DENND5B: variants seen among roughly 807,000 people sequenced by gnomAD.
DENND5B encodes DENN domain containing 5B.
In DENND5B, 34 loss-of-function variants were observed where a neutral mutation model predicts 140.6. The observed-to-expected ratio is 0.24, with a 90% CI of 0.18 to 0.32. The LOEUF (loss-of-function observed/expected upper bound fraction) is 0.32, where lower values mean the gene tolerates loss of function less well. Among genes scored for constraint, DENND5B ranks in the 10% least tolerant of loss-of-function variants. DENND5B has a pLI of 1.00. For synonymous variants in DENND5B, 551 were observed against 562.1 expected (o/e 0.98, Z 0.28); for missense variants, 1,142 against 1,560.2 (o/e 0.73, Z 4.52).
At chr12:31,402,044 C>T (rs1941820827) in intron 15 of DENND5B, among the ~76,000 whole-genome samples, 2 of 143,054 alleles carry the variant, frequency 1.4e-5, no homozygotes, top group South Asian at 4.4e-4. Flanking sequence ...ACTGCACAGC[C>T]TGGGCGAAAG....
rs1342174241 is a variant in DENND5B at position 31,384,187 on chromosome 12, G to C, written c.*3416C>G. On this transcript the variant is annotated 3_prime_UTR_variant, in exon 21 of 21. Transcript: ENST00000389082. Reference sequence around the variant, plus strand: ...CACTTATGAGCCACATAAAAACTAAGTCCTTTGTTTTGTTTTTTTGAGATG... The same window carrying C: ...CACTTATGAGCCACATAAAAACTAACTCCTTTGTTTTGTTTTTTTGAGATG... 6.6e-6 allele frequency: 1 copy of C among 152,036 alleles called. No individual in the cohort carries two copies. Among genetic ancestry groups the C allele is most frequent in the Non-Finnish European group, 1.5e-5 (1 of 68,022 alleles). 9.4% of individuals were successfully genotyped at this position (152,036 alleles called of 1,614,324 possible).
chr12:31,487,592 C>T (rs1946360076), intron 2 of DENND5B, among the ~76,000 whole-genome samples: 1 of 152,064 alleles, frequency 6.6e-6, no homozygotes, highest in Non-Finnish European at 1.5e-5. Flanking sequence ...GCCCCAGCTA[C>T]CTGGAAGGCT....
In DENND5B at chr12:31,575,121, G is replaced by A. The variant is rs76078934; in HGVS notation, c.127+15585C>T. On this transcript the variant is annotated intron_variant, in intron 1 of 20. Transcript: ENST00000389082. ...AAGAAAATACATACACTTGAGACAG[G>A]AGATAGGAAATAGTTTTAAACAATC... is the stretch of plus-strand genomic sequence containing the variant. 5.8e-3 allele frequency among the ~76,000 whole-genome samples: 882 copies of A among 152,284 alleles called. 11 individuals are homozygous for A. The highest frequency in any genetic ancestry group is 0.02 in the African/African-American group (842 of 41,554).
At chr12:31,403,562 C>T (rs1941935431) in intron 14 of DENND5B, among the ~76,000 whole-genome samples, 1 of 144,872 alleles carries the variant, frequency 6.9e-6, no homozygotes, top group Admixed American at 7.0e-5. Context: ...CACTGCATTC[C>T]AGCCTGGGCA....
At position 31,409,474 on chromosome 12, in the gene DENND5B, CTTTTTTT is replaced by C. The variant is rs139434599; in HGVS notation, c.2682-97_2682-91del. 1,154 of 285,246 alleles carry C rather than the reference CTTTTTTT, an allele frequency of 4.0e-3. 12 individuals carry two copies. Among genetic ancestry groups the C allele is most frequent in the African/African-American group, 0.035 (1,069 of 30,630 alleles). The allele number at this position is 285,246 out of a possible 1,614,324, so 17.7% of individuals were successfully genotyped here. The stretch of plus-strand genomic sequence containing the variant: ...TAGTATCATGTACTTTTCATTATGT[CTTTTTTT>C]TTTTTTTTTTTTTTTAAACAGAGTT... On this transcript the variant is annotated intron_variant, in intron 13 of 20. Transcript: ENST00000389082.
intron 8 of DENND5B, among the ~76,000 whole-genome samples, chr12:31,428,425 G>A (rs984683555): frequency 5.9e-5 from 9 of 152,074 alleles, no homozygotes; most frequent in South Asian, 2.1e-4. Flanking sequence ...TTTTTGAGAC[G>A]GAATCTCGAT....
At chr12:31,483,389 T>C (rs1161995176) in intron 2 of DENND5B, among the ~76,000 whole-genome samples, 1 of 152,204 alleles carries the variant, frequency 6.6e-6, no homozygotes, top group East Asian at 1.9e-4. Context: ...TGTTGGAATT[T>C]GCCATTTGAC....
intron 3 of DENND5B, among the ~76,000 whole-genome samples, chr12:31,472,395 G>A (rs1438030166): frequency 2.0e-4 from 30 of 150,416 alleles, no homozygotes; most frequent in African/African-American, 5.1e-4. Flanking sequence ...GGGTTCAAGC[G>A]ATTCTCCTGC....
intron 1 of DENND5B, among the ~76,000 whole-genome samples, chr12:31,499,383 T>C (rs1051858263): frequency 6.6e-6 from 1 of 152,218 alleles, no homozygotes; most frequent in Non-Finnish European, 1.5e-5. Flanking sequence ...AAGTAGGAAA[T>C]ATCTGCCAAG....
chr12:31,494,165 TATCTATCTATCTATCTATCC>T (rs1224476981), intron 2 of DENND5B, among the ~76,000 whole-genome samples: 23 of 72,276 alleles, frequency 3.2e-4, no homozygotes, highest in African/African-American at 6.4e-4. Flanking sequence ...TCTATCTATC[TATCTATCTATCTATCTATCC>T]ATCCATCCAT....
chr12:31,553,363 T>A (rs1949146144), intron 1 of DENND5B, among the ~76,000 whole-genome samples: 1 of 152,182 alleles, frequency 6.6e-6, no homozygotes, highest in Non-Finnish European at 1.5e-5. Context: ...TTCCATGTAG[T>A]TGAGTGTTTT....
chr12:31,515,002 A>G (rs1428533601), intron 1 of DENND5B, among the ~76,000 whole-genome samples: 5 of 152,204 alleles, frequency 3.3e-5, no homozygotes, highest in Non-Finnish European at 7.3e-5. Context: ...GCACACCTGC[A>G]GTCCTAGCTA....
intron 12 of DENND5B, among the ~76,000 whole-genome samples, chr12:31,415,088 CTGGG>C (rs1159920299): frequency 1.3e-5 from 2 of 151,900 alleles, no homozygotes; most frequent in Non-Finnish European, 2.9e-5. Context: ...GAATTCCAGC[CTGGG>C]TGACAAAGCA....
chr12:31,580,962 A>C (rs988726249), intron 1 of DENND5B, among the ~76,000 whole-genome samples: 57 of 152,198 alleles, frequency 3.7e-4, no homozygotes, highest in African/African-American at 1.3e-3. Context: ...TTAATCAGTC[A>C]GGCATAGTGG....
At position 31,402,516 on chromosome 12, in the gene DENND5B, G is replaced by A. The variant is rs1381723317; in HGVS notation, c.2931C>T (p.Leu977=). The part of the protein sequence containing the change: ...DTGVMQIPKN[L]LEMTFECQNL... ...AACCTACCTCAAAGGTCATTTCGAG[G>A]AGGTTTTTGGGAATCTGCATTACTC... is the stretch of plus-strand genomic sequence containing the variant. The change falls in exon 15 of 21, where the codon CTC becomes CTT. Residue 977 remains leucine (L), a synonymous_variant. Coordinates refer to ENST00000389082, the MANE Select transcript of DENND5B (RefSeq NM_144973.4). The A allele has an allele frequency of 1.9e-6, 3 of 1,613,252 alleles. No individual in the cohort carries two copies. Among genetic ancestry groups the A allele is most frequent in the Non-Finnish European group, 8.5e-7 (1 of 1,179,674 alleles).
intron 1 of DENND5B, among the ~76,000 whole-genome samples, chr12:31,577,710 C>CAAG (rs1950064938): frequency 1.4e-5 from 1 of 70,506 alleles, no homozygotes; most frequent in Non-Finnish European, 2.6e-5. Context: ...GACTCTGTCT[C>CAAG]AAAAAAAAAA....
chr12:31,408,525 G>A (rs1302475830), intron 14 of DENND5B, among the ~76,000 whole-genome samples: 3 of 150,136 alleles, frequency 2.0e-5, no homozygotes, highest in African/African-American at 7.4e-5. Context: ...TACTCAGGAG[G>A]CTGAGGCACA....
chr12:31,590,849 C>A lies in DENND5B; in HGVS notation c.-17G>T. On this transcript the variant is annotated 5_prime_UTR_variant, in exon 1 of 21. Transcript: ENST00000389082. ...CCCGCTCATCCCGGCCGCGCTGCTC[C>A]AGGGGCCGCCGCCGCCGCCGCCCGG... 1 of 1,209,198 alleles carries A rather than the reference C, an allele frequency of 8.3e-7. No individual in the cohort carries two copies. The highest frequency in any genetic ancestry group is 4.0e-5 in the South Asian group (1 of 25,126). The allele number at this position is 1,209,198 out of a possible 1,614,324, so 74.9% of individuals were successfully genotyped here. A position where few individuals can be genotyped will look rare whatever the true frequency, so the allele number is the denominator to read the frequency against.
intron 8 of DENND5B, chr12:31,432,296 A>C (rs1943543629): frequency 5.8e-6 from 1 of 173,718 alleles, no homozygotes; most frequent in Non-Finnish European, 1.1e-5. Flanking sequence ...GGAAAAAAAA[A>C]AGCACTACAC....
Sources: gnomAD v4.1 joint callset for allele counts (sites outside exome capture counted in the v4.1 genomes callset) on GRCh38, gnomAD v4.1.1 for gene constraint, MANE v1.5 for transcripts, NCBI Gene and HGNC (gene_info 2026-07-23, HGNC 2026-07-21) for gene names.